Variants in LINGO2 observed in about 807,000 individuals in gnomAD.
The protein encoded by LINGO2 is leucine rich repeat and Ig domain containing 2, also known as leucine-rich repeat and immunoglobulin-like domain-containing nogo receptor-interacting protein 2.
A neutral mutation model predicts 30.6 loss-of-function variants in LINGO2; 14 were observed. The ratio of observed to expected loss-of-function variants is 0.46; its 90% CI spans 0.30 to 0.72. The LOEUF is 0.72. Among genes scored for constraint, LINGO2 ranks in the 30% least tolerant of loss-of-function variants. The pLI, the probability that LINGO2 is intolerant of heterozygous loss-of-function variation, is 0.07. For missense variants in LINGO2, 729 were observed against 751.7 expected (o/e 0.97, Z 0.35); for synonymous variants, 317 against 288.5 (o/e 1.10, Z -1.00).
At chr9:28,690,690 T>C in the LINGO2 span, among the ~76,000 whole-genome samples, 6 of 152,170 alleles carry the variant, frequency 3.9e-5, no homozygotes, top group Non-Finnish European at 5.9e-5. Context: ...CCTCTTTCTA[T>C]AGTCTTCTAT....
At chr9:29,157,825 G>A in the LINGO2 span, among the ~76,000 whole-genome samples, 1 of 151,776 alleles carries the variant, frequency 6.6e-6, no homozygotes, top group East Asian at 1.9e-4. Context: ...GGTAATCTTT[G>A]ACTCCTCATG....
intron 4 of LINGO2, among the ~76,000 whole-genome samples, chr9:28,234,838 T>G (rs1564064124): frequency 6.6e-6 from 1 of 152,102 alleles, no homozygotes; most frequent in Non-Finnish European, 1.5e-5. Flanking sequence ...ATCGTGTGAG[T>G]CAATACTCAA....
chr9:28,221,446 G>A (rs955332498), intron 4 of LINGO2, among the ~76,000 whole-genome samples: 5 of 151,210 alleles, frequency 3.3e-5, no homozygotes, highest in East Asian at 1.9e-4. Context: ...CATGTTTTAC[G>A]CAGTAAATAT....
At chr9:28,102,382 T>C (rs1400687812) in intron 4 of LINGO2, among the ~76,000 whole-genome samples, 2 of 152,098 alleles carry the variant, frequency 1.3e-5, no homozygotes, top group Admixed American at 6.6e-5. Context: ...GGGGGATCCC[T>C]AGCTGCCAGA....
the LINGO2 span, among the ~76,000 whole-genome samples, chr9:28,993,696 G>A: frequency 5.3e-5 from 8 of 150,426 alleles, no homozygotes; most frequent in East Asian, 2.0e-4. Flanking sequence ...TCCCTGGGAC[G>A]CAAGGCTGGT....
rs145802282 is a variant in LINGO2 at position 28,306,434 on chromosome 9, T to C, written c.-245-11068A>G. Among the ~76,000 whole-genome samples the C allele has an allele frequency of 0.016, 2,462 of 152,166 alleles. 149 individuals are homozygous for C. The East Asian group carries it at 0.2, about 12-fold the overall frequency. ...TCTGGGACACAGTCAAAACAGTGTG[T>C]AGAGGGAAATTTATAGCACTAAATG... On this transcript the variant is annotated intron_variant, in intron 3 of 5. Coordinates refer to ENST00000379992, the Ensembl canonical transcript of LINGO2.
At chr9:28,937,852 A>G in the LINGO2 span, among the ~76,000 whole-genome samples, 1 of 152,080 alleles carries the variant, frequency 6.6e-6, no homozygotes, top group Non-Finnish European at 1.5e-5. Context: ...CATAGGTAAC[A>G]TGGGGGTTTG....
intron 4 of LINGO2, among the ~76,000 whole-genome samples, chr9:28,174,606 G>T (rs1828691361): frequency 6.6e-6 from 1 of 152,128 alleles, no homozygotes; most frequent in Non-Finnish European, 1.5e-5. Flanking sequence ...ATAGGGAGAT[G>T]ACTCTGATTG....
intron 1 of LINGO2, among the ~76,000 whole-genome samples, chr9:28,632,715 T>TAAATATAG (rs1827021308): frequency 7.4e-6 from 1 of 135,300 alleles, no homozygotes; most frequent in Admixed American, 7.9e-5. Context: ...TATTTATATA[T>TAAATATAG]AGATCTATAT....
chr9:28,063,194 C>T (rs1825210495), intron 4 of LINGO2, among the ~76,000 whole-genome samples: 2 of 152,060 alleles, frequency 1.3e-5, no homozygotes, highest in African/African-American at 4.8e-5. Flanking sequence ...AGTTTGTGTG[C>T]AGAAACAGAA....
chr9:28,465,980 G>A (rs1825285302), intron 2 of LINGO2, among the ~76,000 whole-genome samples: 1 of 152,078 alleles, frequency 6.6e-6, no homozygotes, highest in African/African-American at 2.4e-5. Flanking sequence ...ATGAGGATAT[G>A]CAGAAAAGGG....
chr9:28,579,578 T>C (rs1568524), intron 1 of LINGO2, among the ~76,000 whole-genome samples: 89,719 of 151,884 alleles, frequency 0.59, 26,851 homozygotes, highest in East Asian at 0.69. Flanking sequence ...TTATTTTGCA[T>C]GAAATATTAT....
At chr9:29,188,220 C>CT in the LINGO2 span, among the ~76,000 whole-genome samples, 1 of 151,616 alleles carries the variant, frequency 6.6e-6, no homozygotes, top group Non-Finnish European at 1.5e-5. Flanking sequence ...GGTGATGACT[C>CT]TTAACGAGCA....
rs192944212 is a variant in LINGO2, at chr9:28,266,689, A to T, written c.-87+28519T>A. On this transcript the variant is annotated intron_variant, in intron 4 of 5. Coordinates refer to ENST00000379992, the Ensembl canonical transcript of LINGO2. ...GGACATCCTAATGCAGAGGCAGTTA[A>T]ACCAGAAAGGCAAAACCTAAATTGG... Among the ~76,000 whole-genome samples the T allele has an allele frequency of 7.9e-5, 12 of 152,110 alleles. No individual in the cohort carries two copies. In the East Asian group the frequency reaches 2.3e-3, roughly 29 times the overall value.
chr9:28,065,206 A>T (rs1825276399), intron 4 of LINGO2, among the ~76,000 whole-genome samples: 1 of 151,358 alleles, frequency 6.6e-6, no homozygotes, highest in Non-Finnish European at 1.5e-5. Context: ...AAAAAAAAAC[A>T]AAAAAAACAC....
At chr9:28,666,054 G>A (rs537917736) in intron 1 of LINGO2, among the ~76,000 whole-genome samples, 4 of 151,878 alleles carry the variant, frequency 2.6e-5, no homozygotes. Flanking sequence ...ACGACACCCG[G>A]CTAATTTTTG....
At chr9:28,393,289 A>C (rs1821909327) in intron 2 of LINGO2, among the ~76,000 whole-genome samples, 1 of 152,256 alleles carries the variant, frequency 6.6e-6, no homozygotes, top group Non-Finnish European at 1.5e-5. Context: ...ATAAAAGGAC[A>C]TATATTTAGT....
chr9:28,760,266 C>T, the LINGO2 span, among the ~76,000 whole-genome samples: 2 of 151,824 alleles, frequency 1.3e-5, no homozygotes, highest in Non-Finnish European at 2.9e-5. Context: ...GTATAAAACA[C>T]CTTGTATTGT....
At chr9:28,173,389 G>A (rs1482352275) in intron 4 of LINGO2, among the ~76,000 whole-genome samples, 3 of 152,014 alleles carry the variant, frequency 2.0e-5, no homozygotes, top group Non-Finnish European at 4.4e-5. Flanking sequence ...TGAACTCTAA[G>A]GAAATGGAAA....
Sources: gnomAD v4.1 joint callset for allele counts (sites outside exome capture counted in the v4.1 genomes callset) on GRCh38, gnomAD v4.1.1 for gene constraint, MANE v1.5 for transcripts, NCBI Gene and HGNC (gene_info 2026-07-23, HGNC 2026-07-21) for gene names.